ADAM12: variants seen among roughly 807,000 people sequenced by gnomAD.
ADAM12 encodes the protein ADAM metallopeptidase domain 12.
Under a neutral mutation model 106.4 loss-of-function variants are expected in ADAM12, and 70 were observed. The observed-to-expected ratio is 0.66, with a 90% CI of 0.54 to 0.80. The LOEUF is 0.80. Among genes scored for constraint, ADAM12 ranks in the 30% least tolerant of loss-of-function variants. The probability of loss-of-function intolerance (pLI) is 0.00; values close to 1 mark genes in which losing one functional copy is unlikely to be tolerated. For missense variants in ADAM12, 1,010 were observed against 1,171.9 expected, an observed-to-expected ratio of 0.86 and a Z score of 2.02; for synonymous variants, 420 against 433.5, an observed-to-expected ratio of 0.97 and a Z score of 0.39.
intron 3 of ADAM12, among the ~76,000 whole-genome samples, chr10:126,221,968 G>A (rs770256764): frequency 6.6e-6 from 1 of 152,166 alleles, no homozygotes; most frequent in Non-Finnish European, 1.5e-5. Context: ...GTCACAAGAA[G>A]TCATCTTGTT....
At position 126,235,432 on chromosome 10, in the gene ADAM12, C is replaced by A. The variant is rs149607500; in HGVS notation, c.260+43483G>T. Among the ~76,000 whole-genome samples the A allele has an allele frequency of 3.3e-3, 496 of 152,278 alleles. 4 individuals carry two copies. The highest frequency in any genetic ancestry group is 0.011 in the African/African-American group (469 of 41,564). The stretch of plus-strand genomic sequence containing the variant: ...AAGAGGCTCTGGGAGAGATGAGAAC[C>A]AGGGAGCGCGGACCGCTGGGCTCCA... On this transcript the variant is annotated intron_variant, in intron 3 of 22. Coordinates refer to ENST00000448723, the MANE Select transcript of ADAM12 (RefSeq NM_001288973.2).
chr10:126,336,684 A>G (rs1388136219), intron 1 of ADAM12, among the ~76,000 whole-genome samples: 1 of 152,200 alleles, frequency 6.6e-6, no homozygotes, highest in Non-Finnish European at 1.5e-5. Flanking sequence ...TAAAGGGAGA[A>G]ACTGCCACTA....
chr10:126,034,923 A>ACT (rs1954031861), intron 21 of ADAM12, among the ~76,000 whole-genome samples: 1 of 152,202 alleles, frequency 6.6e-6, no homozygotes, highest in Non-Finnish European at 1.5e-5. Context: ...TGACATAATG[A>ACT]TAAAAGGGTC....
intron 1 of ADAM12, among the ~76,000 whole-genome samples, chr10:126,378,445 C>G (rs1590844155): frequency 2.0e-5 from 3 of 152,274 alleles, no homozygotes; most frequent in South Asian, 4.1e-4. Context: ...GAACCAAGCA[C>G]ATATATGAAT....
At chr10:126,115,368 G>T (rs553059452) in intron 6 of ADAM12, among the ~76,000 whole-genome samples, 1 of 152,332 alleles carries the variant, frequency 6.6e-6, no homozygotes, top group African/African-American at 2.4e-5. Flanking sequence ...AGCCGATGGA[G>T]AGGGAAGGAG....
intron 3 of ADAM12, among the ~76,000 whole-genome samples, chr10:126,174,839 G>A (rs1006914298): frequency 5.4e-5 from 8 of 149,158 alleles, no homozygotes; most frequent in South Asian, 4.5e-4. Flanking sequence ...TGCAAGCTCC[G>A]CCTTCCGGGT....
At chr10:126,136,297 C>T (rs1484727770) in intron 4 of ADAM12, among the ~76,000 whole-genome samples, 1 of 152,178 alleles carries the variant, frequency 6.6e-6, no homozygotes, top group Non-Finnish European at 1.5e-5. Context: ...ACAGCACAGA[C>T]ACTTCCTTAG....
chr10:126,276,004 C>G (rs1000043766), intron 3 of ADAM12, among the ~76,000 whole-genome samples: 1 of 152,094 alleles, frequency 6.6e-6, no homozygotes, highest in African/African-American at 2.4e-5. Context: ...CAGGAAACAA[C>G]TATTTTCTAA....
At chr10:126,227,984 C>T (rs1026072566) in intron 3 of ADAM12, among the ~76,000 whole-genome samples, 1 of 152,022 alleles carries the variant, frequency 6.6e-6, no homozygotes, top group Non-Finnish European at 1.5e-5. Flanking sequence ...TGGGGACCTT[C>T]CTGTGATGAT....
chr10:126,126,954 G>GAGC (rs1956216303), intron 5 of ADAM12, among the ~76,000 whole-genome samples: 4 of 152,184 alleles, frequency 2.6e-5, no homozygotes, highest in Non-Finnish European at 4.4e-5. Context: ...TTGAGTGACA[G>GAGC]TGGGGCCTGG....
At chr10:126,152,885 C>T (rs1956753721) in intron 4 of ADAM12, among the ~76,000 whole-genome samples, 2 of 152,148 alleles carry the variant, frequency 1.3e-5, no homozygotes, top group Admixed American at 1.3e-4. Context: ...CTATTATTCT[C>T]CAGTACAATA....
rs139732529 is a variant in ADAM12, at chr10:126,036,133, A to G, written c.2529+13T>C. ...TTGAACTACATCCTATCATATTAGTACTGAAAGCATACCTGGGCCTGCCTA... is the reference window on the plus strand; with the variant it reads ...TTGAACTACATCCTATCATATTAGTGCTGAAAGCATACCTGGGCCTGCCTA... On this transcript the variant is annotated intron_variant, in intron 21 of 22. Transcript: ENST00000448723. 3.2e-4 allele frequency: 454 copies of G among 1,440,944 alleles called. 2 individuals are homozygous for G. In the African/African-American group the frequency reaches 5.8e-3, roughly 18 times the overall value. 89.3% of individuals were successfully genotyped at this position (1,440,944 alleles called of 1,614,324 possible).
intron 3 of ADAM12, among the ~76,000 whole-genome samples, chr10:126,243,012 C>A (rs1958557171): frequency 6.6e-6 from 1 of 152,248 alleles, no homozygotes; most frequent in Admixed American, 6.5e-5. Flanking sequence ...GGCCACCCAT[C>A]CACCCATATG....
At chr10:126,025,581 GAC>G (rs1263790233) in intron 21 of ADAM12, among the ~76,000 whole-genome samples, 1 of 152,104 alleles carries the variant, frequency 6.6e-6, no homozygotes, top group African/African-American at 2.4e-5. Flanking sequence ...ACCCAAAAGA[GAC>G]GGGCAGAACA....
intron 3 of ADAM12, among the ~76,000 whole-genome samples, chr10:126,194,890 C>T (rs1957568737): frequency 6.6e-6 from 1 of 152,170 alleles, no homozygotes; most frequent in Non-Finnish European, 1.5e-5. Flanking sequence ...AATCAGACCT[C>T]ATGTGGCCCC....
At chr10:126,383,117 T>A (rs893750995) in intron 1 of ADAM12, among the ~76,000 whole-genome samples, 22 of 152,020 alleles carry the variant, frequency 1.4e-4, no homozygotes, top group Non-Finnish European at 2.9e-4. Flanking sequence ...GTTAATTTTT[T>A]AAAAATTTTT....
intron 1 of ADAM12, among the ~76,000 whole-genome samples, chr10:126,373,375 C>A (rs538265754): frequency 1.9e-4 from 29 of 152,284 alleles, no homozygotes; most frequent in African/African-American, 6.5e-4. Flanking sequence ...CAGCTTGGCC[C>A]CATCATTAGC....
intron 2 of ADAM12, among the ~76,000 whole-genome samples, chr10:126,312,347 C>A (rs1425862252): frequency 5.9e-5 from 9 of 152,154 alleles, no homozygotes; most frequent in Admixed American, 5.9e-4. Context: ...CTCTCCAACA[C>A]CTGGGTTCTG....
chr10:126,086,680 A>AAAAAAATATATATATATATAT (rs1554966976), intron 11 of ADAM12, among the ~76,000 whole-genome samples: 2 of 24,252 alleles, frequency 8.2e-5, no homozygotes, highest in Admixed American at 7.9e-4. Flanking sequence ...AAAAAAAAAA[A>AAAAAAATATATATATATATAT]ATATATATAT....
Sources: gnomAD v4.1 joint callset for allele counts (sites outside exome capture counted in the v4.1 genomes callset) on GRCh38, gnomAD v4.1.1 for gene constraint, MANE v1.5 for transcripts, NCBI Gene and HGNC (gene_info 2026-07-23, HGNC 2026-07-21) for gene names.